TMEM121: variants seen among roughly 807,000 people sequenced by gnomAD.
The protein encoded by TMEM121 is transmembrane protein 121A.
Under a neutral mutation model 16.4 loss-of-function variants are expected in TMEM121, and 8 were observed. The ratio of observed to expected loss-of-function variants is 0.49; its 90% confidence interval spans 0.29 to 0.88. The LOEUF (loss-of-function observed/expected upper bound fraction) is 0.88, where lower values mean the gene tolerates loss of function less well. Ranked by LOEUF, TMEM121 falls within the 40% of genes least tolerant of loss-of-function variation. The pLI is 0.09. For missense variants in TMEM121, 401 were observed against 462.0 expected, an observed-to-expected ratio of 0.87 and a Z score of 1.21; for synonymous variants, 235 against 226.2, an observed-to-expected ratio of 1.04 and a Z score of -0.35.
In TMEM121 at chr14:105,527,555, T is replaced by A. The variant is rs144145560; in HGVS notation, c.-114+902T>A. 1,161 of 135,378 alleles carry A rather than the reference T, an allele frequency of 8.6e-3. 15 individuals carry two copies. The highest frequency in any genetic ancestry group is 0.031 in the African/African-American group (1,110 of 35,880). The allele number at this position is 135,378 out of a possible 1,614,324, so 8.4% of individuals were successfully genotyped here. On this transcript the variant is annotated intron_variant, in intron 1 of 1. Transcript: ENST00000392519. The stretch of plus-strand genomic sequence containing the variant: ...AGAGCTCCGAGGGGTGGGGGTGTCC[T>A]GTGTGTGGCTGTGGGGATCCTGGGC...
At chr14:105,527,729 C>T (rs1372024249) in intron 1 of TMEM121, among the ~76,000 whole-genome samples, 4 of 151,680 alleles carry the variant, frequency 2.6e-5, no homozygotes, top group South Asian at 2.1e-4. Context: ...CGGCAGTAAA[C>T]GGAGCCCCAG....
In TMEM121 at chr14:105,529,100, AGCT is replaced by A; in HGVS notation, c.267_269del (p.Lys89_Leu90delinsAsn). On this transcript the variant is annotated inframe_deletion, in exon 2 of 2. Coordinates refer to ENST00000392519, the MANE Select transcript of TMEM121 (RefSeq NM_025268.4). ...CTTTACATCTTCGTGCTGGAGATCA[AGCT>A]CTACTTCATCTTCCAGAACTACAAG... 6.2e-7 allele frequency: 1 copy of A among 1,611,454 alleles called. No individual in the cohort carries two copies. Among genetic ancestry groups the A allele is most frequent in the Non-Finnish European group, 8.5e-7 (1 of 1,179,750 alleles).
chr14:105,528,625 G>C, intron 1 of TMEM121, 97 bp from the exon 2 acceptor site: 1 of 324,242 alleles, frequency 3.1e-6, no homozygotes, highest in Non-Finnish European at 4.8e-6. Context: ...CGCGGAGACC[G>C]CGCCTGGTGG....
chr14:105,528,831 G>A lies in TMEM121; in HGVS notation c.-4G>A. The A allele has an allele frequency of 6.7e-7, 1 of 1,502,926 alleles. No individual in the cohort carries two copies. Among genetic ancestry groups the A allele is most frequent in the Non-Finnish European group, 8.9e-7 (1 of 1,127,116 alleles). 93.1% of individuals were successfully genotyped at this position (1,502,926 alleles called of 1,614,324 possible). A position where few individuals can be genotyped will look rare whatever the true frequency, so the allele number is the denominator to read the frequency against. ...GCGCCCAGGCCGGGGCCCGGCGGCC[G>A]ACCATGGTGCTGCCGCCCCCGGACC... On this transcript the variant is annotated 5_prime_UTR_variant, in exon 2 of 2. Transcript: ENST00000392519.
chr14:105,529,614 G>T lies in TMEM121; in HGVS notation c.780G>T (p.Lys260Asn). 1 of 1,580,108 alleles carries T rather than the reference G, an allele frequency of 6.3e-7. No individual in the cohort carries two copies. The highest frequency in any genetic ancestry group is 1.7e-5 in the Admixed American group (1 of 57,250). The change falls in exon 2 of 2, where the codon AAG becomes AAT. Residue 260 changes from lysine (K) to asparagine (N), a missense_variant. Physicochemically the swap from Lys to Asn is moderately conservative, Grantham distance 94 (BLOSUM62 0). Coordinates refer to ENST00000392519, the MANE Select transcript of TMEM121 (RefSeq NM_025268.4). ...AAAACGTGGTGGCGCTCGCCACCAA[G>T]GCCTGCACCTTCCTGGAGTACCGCC... ...VGKNVVALAT[K>N]ACTFLEYRRQ...
chr14:105,529,844 T>C lies in TMEM121; in HGVS notation c.*50T>C. On this transcript the variant is annotated 3_prime_UTR_variant, in exon 2 of 2. Transcript: ENST00000392519. ...GCCCCTGGGGCGCAGAGACACCGGG[T>C]TGGCTTGGGGCGCGCGGTTTGCATG... 7.3e-7 allele frequency: 1 copy of C among 1,372,760 alleles called. No individual in the cohort carries two copies. Among genetic ancestry groups the C allele is most frequent in the Non-Finnish European group, 9.3e-7 (1 of 1,070,426 alleles). 85.0% of individuals were successfully genotyped at this position (1,372,760 alleles called of 1,614,324 possible).
Position 105,529,143 on chromosome 14 carries a change from C to A in TMEM121, c.309C>A (p.Gly103=), listed in dbSNP as rs781798639. 4 of 1,601,932 alleles carry A rather than the reference C, an allele frequency of 2.5e-6. No homozygotes were observed. The East Asian group carries it at 9.0e-5, about 36-fold the overall frequency. The change falls in exon 2 of 2, where the codon GGC becomes GGA. Residue 103 remains glycine (G), a synonymous_variant. Transcript: ENST00000392519. ...IFQNYKAARR[G]AADPVARKAL... is the part of the protein sequence containing the mutation. ...AGAACTACAAGGCGGCGCGGCGCGG[C>A]GCGGCGGACCCCGTGGCGCGCAAGG...
At position 105,529,864 on chromosome 14, in the gene TMEM121, T is replaced by G; in HGVS notation, c.*70T>G. 7.4e-7 allele frequency: 1 copy of G among 1,342,402 alleles called. No individual in the cohort carries two copies. The highest frequency in any genetic ancestry group is 9.6e-7 in the Non-Finnish European group (1 of 1,043,630). The allele number at this position is 1,342,402 out of a possible 1,614,324, so 83.2% of individuals were successfully genotyped here. A position where few individuals can be genotyped will look rare whatever the true frequency, so the allele number is the denominator to read the frequency against. On this transcript the variant is annotated 3_prime_UTR_variant, in exon 2 of 2. Transcript: ENST00000392519. ...CCGGGTTGGCTTGGGGCGCGCGGTT[T>G]GCATGGGATGGGGTGGGGGCGGGCT...
rs1157913656 is a variant in TMEM121 at position 105,529,341 on chromosome 14, G to C, written c.507G>C (p.Glu169Asp). 4.4e-5 allele frequency: 67 copies of C among 1,539,190 alleles called. No homozygotes were observed. The highest frequency in any genetic ancestry group is 5.8e-5 in the Non-Finnish European group (67 of 1,146,414). Reference sequence around the variant, plus strand: ...TGGACATGCAGGCCAGCCTGTGGGAGCCGCCGCGCTCCGGGCTGCCGCTGT... The same window carrying C: ...TGGACATGCAGGCCAGCCTGTGGGACCCGCCGCGCTCCGGGCTGCCGCTGT... ...DLLDMQASLW[E>D]PPRSGLPLWA... Residue 169 changes from glutamate to aspartate, a missense_variant, in exon 2 of 2, where the codon GAG (glutamate) becomes GAC (aspartate). Glu to Asp is a conservative substitution (Grantham distance 45). Coordinates refer to ENST00000392519, the MANE Select transcript of TMEM121 (RefSeq NM_025268.4).
chr14:105,529,830 G>A lies in TMEM121; in HGVS notation c.*36G>A. The stretch of plus-strand genomic sequence containing the variant: ...GCGGCCCCCGACACGCCCCTGGGGC[G>A]CAGAGACACCGGGTTGGCTTGGGGC... On this transcript the variant is annotated 3_prime_UTR_variant, in exon 2 of 2. Transcript: ENST00000392519. The A allele has an allele frequency of 1.4e-6, 2 of 1,380,682 alleles. No individual in the cohort carries two copies. The highest frequency in any genetic ancestry group is 1.9e-6 in the Non-Finnish European group (2 of 1,076,326). 85.5% of individuals were successfully genotyped at this position (1,380,682 alleles called of 1,614,324 possible). A position where few individuals can be genotyped will look rare whatever the true frequency, so the allele number is the denominator to read the frequency against.
Position 105,526,702 on chromosome 14 carries a change from G to T in TMEM121, c.-114+49G>T. The T allele has an allele frequency of 6.6e-6, 1 of 151,552 alleles. No individual in the cohort carries two copies. Among genetic ancestry groups the T allele is most frequent in the South Asian group, 1.8e-4 (1 of 5,642 alleles). 9.4% of individuals were successfully genotyped at this position (151,552 alleles called of 1,614,324 possible). A position where few individuals can be genotyped will look rare whatever the true frequency, so the allele number is the denominator to read the frequency against. The stretch of plus-strand genomic sequence containing the variant: ...TGGCTGGGTGCGCGGCTGCGTCCGC[G>T]GAGGGGGCGGCGGGCCTGGGCGACC... On this transcript the variant is annotated intron_variant, in intron 1 of 1. Transcript: ENST00000392519. The surrounding 1 kb of genome is among the most constrained non-coding windows in gnomAD (Gnocchi z 6.8).
In TMEM121 at chr14:105,528,964, A is replaced by T. The variant is rs1555444131; in HGVS notation, c.130A>T (p.Ile44Phe). The T allele has an allele frequency of 6.2e-7, 1 of 1,610,754 alleles. No individual in the cohort carries two copies. The highest frequency in any genetic ancestry group is 8.5e-7 in the Non-Finnish European group (1 of 1,178,878). ...QGPRKIGVCIIVLVGDVCFLL... is the reference protein window; with the variant it reads ...QGPRKIGVCIFVLVGDVCFLL... ...CCCGCGCAAGATCGGCGTGTGCATCATCGTGCTGGTGGGCGACGTGTGCTT... is the reference window on the plus strand; with the variant it reads ...CCCGCGCAAGATCGGCGTGTGCATCTTCGTGCTGGTGGGCGACGTGTGCTT... Residue 44 changes from isoleucine to phenylalanine, a missense_variant, in exon 2 of 2, where the codon ATC (isoleucine) becomes TTC (phenylalanine). By Grantham distance (21) the Ile-to-Phe change is conservative. Transcript: ENST00000392519.
At chr14:105,528,450 C>G (rs2084606699) in intron 1 of TMEM121, among the ~76,000 whole-genome samples, 1 of 152,142 alleles carries the variant, frequency 6.6e-6, no homozygotes, top group Non-Finnish European at 1.5e-5. Flanking sequence ...GCTCCGGGAA[C>G]GAGCTCGGCG....
rs2084625379 is a variant in TMEM121, at chr14:105,529,651, G to T, written c.817G>T (p.Asp273Tyr). 1 of 1,577,102 alleles carries T rather than the reference G, an allele frequency of 6.3e-7. No homozygotes were observed. The highest frequency in any genetic ancestry group is 1.3e-5 in the African/African-American group (1 of 74,564). The change falls in exon 2 of 2, where the codon GAC becomes TAC. Residue 273 changes from aspartate to tyrosine, a missense_variant. Physicochemically the swap from Asp to Tyr is radical, Grantham distance 160. Coordinates refer to ENST00000392519, the MANE Select transcript of TMEM121 (RefSeq NM_025268.4). The part of the protein sequence containing the change: ...TFLEYRRQVR[D>Y]FPPPALSLEL... ...CCTGGAGTACCGCCGCCAGGTGCGC[G>T]ACTTCCCGCCGCCTGCGCTATCACT...
intron 1 of TMEM121, among the ~76,000 whole-genome samples, chr14:105,527,946 G>T (rs74711445): frequency 2.7e-5 from 4 of 149,286 alleles, no homozygotes; most frequent in South Asian, 2.1e-4. Context: ...CTTGGTGGAC[G>T]GGCTTCCCGA....
rs782024413 is a variant in TMEM121 at position 105,529,134 on chromosome 14, G to A, written c.300G>A (p.Ala100=). 66 of 1,602,560 alleles carry A rather than the reference G, an allele frequency of 4.1e-5. No individual in the cohort carries two copies. The highest frequency in any genetic ancestry group is 5.6e-5 in the Non-Finnish European group (66 of 1,176,612). ...LYFIFQNYKA[A]RRGAADPVAR... is the part of the protein sequence containing the mutation. ...TCATCTTCCAGAACTACAAGGCGGC[G>A]CGGCGCGGCGCGGCGGACCCCGTGG... The change falls in exon 2 of 2, where the codon GCG becomes GCA. Residue 100 remains alanine (A), a synonymous_variant. Coordinates refer to ENST00000392519, the MANE Select transcript of TMEM121 (RefSeq NM_025268.4).
Position 105,529,026 on chromosome 14 carries a change from C to A in TMEM121, c.192C>A (p.Gly64=), listed in dbSNP as rs782090105. ...TGCGCTACGTGGCCGTGTGGGTGGG[C>A]GCCGAGGTGCGCACGGCCAAGCGCG... The part of the protein sequence containing the change: ...LVLRYVAVWV[G]AEVRTAKRGY... Residue 64 remains glycine (G), a synonymous_variant, in exon 2 of 2, where the codon GGC becomes GGA. Coordinates refer to ENST00000392519, the MANE Select transcript of TMEM121 (RefSeq NM_025268.4). The A allele has an allele frequency of 6.2e-7, 1 of 1,612,038 alleles. No homozygotes were observed. Among genetic ancestry groups the A allele is most frequent in the South Asian group, 1.1e-5 (1 of 91,040 alleles).
chr14:105,529,216 C>A lies in TMEM121; in HGVS notation c.382C>A (p.Leu128Ile). The A allele has an allele frequency of 1.3e-6, 2 of 1,576,386 alleles. No individual in the cohort carries two copies. The highest frequency in any genetic ancestry group is 2.3e-5 in the East Asian group (1 of 42,934). Residue 128 changes from leucine to isoleucine, a missense_variant, in exon 2 of 2, where the codon CTC (leucine) becomes ATC (isoleucine). By Grantham distance (5) the Leu-to-Ile change is conservative. Coordinates refer to ENST00000392519, the MANE Select transcript of TMEM121 (RefSeq NM_025268.4). Reference sequence around the variant, plus strand: ...GTGTGTGCCCGGCCTGTTCCTGCTGCTCGTGGCGCTGGACCGCATGGAGTA... The same window carrying A: ...GTGTGTGCCCGGCCTGTTCCTGCTGATCGTGGCGCTGGACCGCATGGAGTA... ...SVCVPGLFLLLVALDRMEYVR... is the reference protein window; with the variant it reads ...SVCVPGLFLLIVALDRMEYVR...
chr14:105,529,979 C>T lies in TMEM121; in HGVS notation c.*185C>T, dbSNP rs782359901. On this transcript the variant is annotated 3_prime_UTR_variant, in exon 2 of 2. Coordinates refer to ENST00000392519, the MANE Select transcript of TMEM121 (RefSeq NM_025268.4). The stretch of plus-strand genomic sequence containing the variant: ...AATCTCTCGGACCGCGGATCCTCAG[C>T]CCCCGCTCCACCAGCCCGCCCCAGC... 4 of 592,962 alleles carry T rather than the reference C, an allele frequency of 6.7e-6. No individual in the cohort carries two copies. Among genetic ancestry groups the T allele is most frequent in the African/African-American group, 2.0e-5 (1 of 50,200 alleles). The allele number at this position is 592,962 out of a possible 1,614,324, so 36.7% of individuals were successfully genotyped here.
Sources: gnomAD v4.1 joint callset for allele counts (sites outside exome capture counted in the v4.1 genomes callset) on GRCh38, gnomAD v4.1.1 for gene constraint, Gnocchi (gnomAD v3.1) non-coding constraint, MANE v1.5 for transcripts, NCBI Gene and HGNC (gene_info 2026-07-23, HGNC 2026-07-21) for gene names.